The following RSRC1 variants were observed in gnomAD, a reference collection of about 807,000 sequenced individuals.
RSRC1 encodes the protein arginine and serine rich coiled-coil 1.
Under a neutral mutation model 49.1 loss-of-function variants are expected in RSRC1, and 39 were observed. The observed-to-expected ratio is 0.79, with a 90% CI of 0.61 to 1.04. The LOEUF is 1.04. RSRC1 is among the 50% of genes least tolerant of loss of function. The probability of loss-of-function intolerance (pLI) is 0.00; values close to 1 mark genes in which losing one functional copy is unlikely to be tolerated. For missense variants in RSRC1, 388 were observed against 402.4 expected, an observed-to-expected ratio of 0.96 and a Z score of 0.31; for synonymous variants, 143 against 130.8, an observed-to-expected ratio of 1.09 and a Z score of -0.63.
intron 7 of RSRC1, among the ~76,000 whole-genome samples, chr3:158,510,503 T>C (rs1274802465): frequency 1.3e-5 from 2 of 152,208 alleles, no homozygotes; most frequent in African/African-American, 4.8e-5. Flanking sequence ...ACCTGGAATT[T>C]TTTTTTAATG....
At chr3:158,166,301 C>T (rs1162119485) in intron 3 of RSRC1, among the ~76,000 whole-genome samples, 19 of 152,002 alleles carry the variant, frequency 1.2e-4, no homozygotes, top group Non-Finnish European at 4.4e-5. Flanking sequence ...GTTTTTTAAT[C>T]ATATGATATC....
intron 4 of RSRC1, among the ~76,000 whole-genome samples, chr3:158,258,450 T>G (rs183362020): frequency 2.6e-5 from 4 of 152,128 alleles, no homozygotes; most frequent in Admixed American, 2.6e-4. Flanking sequence ...GTTATTTGTT[T>G]CTTTTCTCTT....
intron 5 of RSRC1, among the ~76,000 whole-genome samples, chr3:158,322,474 A>T (rs1728818090): frequency 6.6e-6 from 1 of 152,124 alleles, no homozygotes; most frequent in Non-Finnish European, 1.5e-5. Context: ...TCAACCATTT[A>T]TCTTTTACTT....
Position 158,229,230 on chromosome 3 carries a change from A to G in RSRC1, c.494+25985A>G, listed in dbSNP as rs558648193. On this transcript the variant is annotated intron_variant, in intron 4 of 9. Transcript: ENST00000611884. ...TATATGTATACACACATACACGTATATGTGTATGTATGTATATAAACATAC... is the reference window on the plus strand; with the variant it reads ...TATATGTATACACACATACACGTATGTGTGTATGTATGTATATAAACATAC... Among the ~76,000 whole-genome samples the G allele has an allele frequency of 2.0e-5, 3 of 151,326 alleles. No individual in the cohort carries two copies. In the South Asian group the frequency reaches 6.2e-4, roughly 32 times the overall value.
At chr3:158,135,535 C>T (rs1716319989) in intron 3 of RSRC1, among the ~76,000 whole-genome samples, 1 of 151,978 alleles carries the variant, frequency 6.6e-6, no homozygotes, top group Non-Finnish European at 1.5e-5. Flanking sequence ...ACGCCTAGGC[C>T]TCCCAAAGTG....
intron 3 of RSRC1, among the ~76,000 whole-genome samples, chr3:158,140,463 T>C (rs1037789951): frequency 6.6e-6 from 1 of 152,354 alleles, no homozygotes; most frequent in African/African-American, 2.4e-5. Flanking sequence ...TAACAGCACA[T>C]TGGACATGTT....
intron 7 of RSRC1, among the ~76,000 whole-genome samples, chr3:158,494,132 A>G (rs1739205674): frequency 6.6e-6 from 1 of 152,166 alleles, no homozygotes; most frequent in African/African-American, 2.4e-5. Flanking sequence ...ATTAGGTGTC[A>G]TTTTGCAAAC....
At chr3:158,323,141 T>C (rs1728858545) in intron 5 of RSRC1, among the ~76,000 whole-genome samples, 1 of 152,178 alleles carries the variant, frequency 6.6e-6, no homozygotes, top group Admixed American at 6.5e-5. Context: ...AATTTACCAA[T>C]TTTGTTCTTC....
chr3:158,445,271 T>C (rs541732022), intron 6 of RSRC1, among the ~76,000 whole-genome samples: 2 of 152,226 alleles, frequency 1.3e-5, no homozygotes, highest in East Asian at 1.9e-4. Context: ...CCATCAGTGA[T>C]AGACTGGATT....
At chr3:158,466,281 G>A (rs80329956) in intron 7 of RSRC1, among the ~76,000 whole-genome samples, 52 of 152,154 alleles carry the variant, frequency 3.4e-4, no homozygotes, top group African/African-American at 1.2e-3. Context: ...AATTTAGATC[G>A]CATTTTACTT....
At chr3:158,426,075 A>C (rs1302949866) in intron 6 of RSRC1, among the ~76,000 whole-genome samples, 1 of 151,736 alleles carries the variant, frequency 6.6e-6, no homozygotes, top group Non-Finnish European at 1.5e-5. Flanking sequence ...TTTATTGTTC[A>C]TATGGAAATT....
At chr3:158,518,065 A>G (rs1014466999) in intron 7 of RSRC1, among the ~76,000 whole-genome samples, 2 of 142,622 alleles carry the variant, frequency 1.4e-5, no homozygotes, top group African/African-American at 5.2e-5. Context: ...TTATTTTTAT[A>G]TAAATTATGC....
intron 4 of RSRC1, among the ~76,000 whole-genome samples, chr3:158,224,586 T>C (rs1722416673): frequency 6.6e-6 from 1 of 151,840 alleles, no homozygotes; most frequent in African/African-American, 2.4e-5. Context: ...ATTAAAGGCT[T>C]TCTCATTTCC....
At chr3:158,315,611 A>G (rs1341242460) in intron 5 of RSRC1, among the ~76,000 whole-genome samples, 1 of 152,178 alleles carries the variant, frequency 6.6e-6, no homozygotes, top group Non-Finnish European at 1.5e-5. Flanking sequence ...AAAATTTCAA[A>G]ATAAATGAAA....
chr3:158,543,739 G>C, intron 9 of RSRC1: 2 of 347,906 alleles, frequency 5.7e-6, no homozygotes, highest in Non-Finnish European at 5.0e-6. Context: ...ACAAAGAGAA[G>C]CATTTTTTCC....
chr3:158,432,076 C>A (rs1735793950), intron 6 of RSRC1, among the ~76,000 whole-genome samples: 1 of 151,964 alleles, frequency 6.6e-6, no homozygotes, highest in Non-Finnish European at 1.5e-5. Context: ...TGACAGGCAG[C>A]ACGCTGCTTT....
chr3:158,152,340 C>T (rs1717593100), intron 3 of RSRC1, among the ~76,000 whole-genome samples: 1 of 152,082 alleles, frequency 6.6e-6, no homozygotes, highest in Non-Finnish European at 1.5e-5. Flanking sequence ...ACTGAAAGTT[C>T]CATGTCCCAA....
intron 7 of RSRC1, among the ~76,000 whole-genome samples, chr3:158,476,754 A>G (rs557289215): frequency 6.6e-6 from 1 of 152,206 alleles, no homozygotes; most frequent in Non-Finnish European, 1.5e-5. Flanking sequence ...GCCCCTGGAT[A>G]AAAGAACTAA....
intron 6 of RSRC1, among the ~76,000 whole-genome samples, chr3:158,405,089 A>AT (rs1734090571): frequency 2.0e-5 from 3 of 152,008 alleles, no homozygotes; most frequent in African/African-American, 4.8e-5. Flanking sequence ...AAGCTAGCAG[A>AT]TTTTTTGCAT....
Sources: gnomAD v4.1 joint callset for allele counts (sites outside exome capture counted in the v4.1 genomes callset) on GRCh38, gnomAD v4.1.1 for gene constraint, MANE v1.5 for transcripts, NCBI Gene and HGNC (gene_info 2026-07-23, HGNC 2026-07-21) for gene names.